Variants in RPS6KB2 observed in about 807,000 individuals in gnomAD.
RPS6KB2 encodes the protein ribosomal protein S6 kinase B2, also known as ribosomal protein S6 kinase beta-2.
A neutral mutation model predicts 58.2 loss-of-function variants in RPS6KB2; 51 were observed. The ratio of observed to expected loss-of-function variants is 0.88; its 90% CI spans 0.70 to 1.11. The LOEUF (loss-of-function observed/expected upper bound fraction) is 1.11, where lower values mean the gene tolerates loss of function less well. Ranked by LOEUF, RPS6KB2 falls within the 50% of genes least tolerant of loss-of-function variation. RPS6KB2 has a pLI of 0.00. For synonymous variants in RPS6KB2, 293 were observed against 258.6 expected, an observed-to-expected ratio of 1.13 and a Z score of -1.28; for missense variants, 671 against 655.8, an observed-to-expected ratio of 1.02 and a Z score of -0.25.
rs374535834 is a variant in RPS6KB2 at position 67,435,048 on chromosome 11, C to T, written c.1328C>T (p.Thr443Met). The change falls in exon 15 of 15, where the codon ACG (threonine) becomes ATG (methionine). Residue 443 changes from threonine to methionine, a missense_variant. Transcript: ENST00000312629. ...CCCAGCCCCAGCCTGCCGGAGCCCA[C>T]GGAGCTACCTCTACCTCCACTCCTG... ...FRPSPSLPEP[T>M]ELPLPPLLPP... 4.2e-5 allele frequency: 67 copies of T among 1,612,652 alleles called. No homozygotes were observed. The highest frequency in any genetic ancestry group is 2.1e-4 in the South Asian group (19 of 91,080).
Position 67,434,418 on chromosome 11 carries a change from A to G in RPS6KB2, c.1089A>G (p.Thr363=). 1 of 1,613,236 alleles carries G rather than the reference A, an allele frequency of 6.2e-7. No individual in the cohort carries two copies. The highest frequency in any genetic ancestry group is 8.5e-7 in the Non-Finnish European group (1 of 1,180,004). The change falls in exon 13 of 15, where the codon ACA becomes ACG. Residue 363 remains threonine (T), a synonymous_variant. Transcript: ENST00000312629. The stretch of plus-strand genomic sequence containing the variant: ...TGAGCCAGTTTGATACCCGCTTCAC[A>G]CGGCAGACGCCGGTGGACAGTCCTG... ...EDVSQFDTRF[T]RQTPVDSPDD...
Position 67,431,394 on chromosome 11 carries a change from C to T in RPS6KB2, c.336C>T (p.Asp112=). ...RKAKIVRNAK[D]TAHTRAERNI... is the part of the protein sequence containing the mutation. ...CCAAAATTGTGCGCAATGCCAAGGA[C>T]ACAGCACACACACGGGCTGAGCGGA... The change falls in exon 5 of 15, where the codon GAC becomes GAT. Residue 112 remains aspartate (D), a synonymous_variant. Coordinates refer to ENST00000312629, the MANE Select transcript of RPS6KB2 (RefSeq NM_003952.3). The T allele has an allele frequency of 6.2e-7, 1 of 1,614,070 alleles. No individual in the cohort carries two copies.
rs750220460 is a variant in RPS6KB2 at position 67,431,442 on chromosome 11, C to A, written c.384C>A (p.His128Gln). The change falls in exon 5 of 15, where the codon CAC becomes CAA. Residue 128 changes from histidine (H) to glutamine (Q), a missense_variant. Coordinates refer to ENST00000312629, the MANE Select transcript of RPS6KB2 (RefSeq NM_003952.3). ...GGAACATTCTAGAGTCAGTGAAGCACCCCTTTATTGTGGAACTGGCCTATG... is the reference window on the plus strand; with the variant it reads ...GGAACATTCTAGAGTCAGTGAAGCAACCCTTTATTGTGGAACTGGCCTATG... ...AERNILESVK[H>Q]PFIVELAYAF... 10 of 1,613,980 alleles carry A rather than the reference C, an allele frequency of 6.2e-6. No homozygotes were observed. Among genetic ancestry groups the A allele is most frequent in the South Asian group, 1.1e-5 (1 of 91,082 alleles).
chr11:67,433,481 C>A, intron 10 of RPS6KB2, 34 bp downstream of exon 10: 2 of 1,489,334 alleles, frequency 1.3e-6, no homozygotes, highest in South Asian at 1.1e-5. Flanking sequence ...CGGGGCCCTG[C>A]CAGCCATTCT....
chr11:67,435,146 G>A lies in RPS6KB2; in HGVS notation c.1426G>A (p.Gly476Ser). Residue 476 changes from glycine (G) to serine (S), a missense_variant, in exon 15 of 15, where the codon GGC becomes AGC. By Grantham distance (56) the Gly-to-Ser change is moderately conservative (BLOSUM62 0). Transcript: ENST00000312629. ...CTCAGGGACCAAGAAGTCCAAGAGG[G>A]GCCGTGGGCGTCCAGGGCGCTAGGA... ...PPSGTKKSKR[G>S]RGRPGR 6.3e-7 allele frequency: 1 copy of A among 1,591,714 alleles called. No individual in the cohort carries two copies. The highest frequency in any genetic ancestry group is 1.7e-5 in the Admixed American group (1 of 58,176).
chr11:67,428,519 C>T lies in RPS6KB2; in HGVS notation c.-27C>T. 1.9e-6 allele frequency: 3 copies of T among 1,590,920 alleles called. No individual in the cohort carries two copies. The highest frequency in any genetic ancestry group is 2.6e-6 in the Non-Finnish European group (3 of 1,167,722). ...AGTCAGTGCGCGGCCAGGTACGGGC[C>T]GACGGGCCCGCGGGGCCGGCGCCGC... On this transcript the variant is annotated 5_prime_UTR_variant, in exon 1 of 15. Transcript: ENST00000312629.
chr11:67,433,241 G>A (rs760626260), intron 9 of RPS6KB2, 25 bp downstream of exon 9: 44 of 1,607,218 alleles, frequency 2.7e-5, no homozygotes, highest in Non-Finnish European at 2.2e-5. Flanking sequence ...CGGGGAGGAG[G>A]AGGGGCAGGG....
chr11:67,433,743 C>T (rs1364213329), intron 10 of RPS6KB2, among the ~76,000 whole-genome samples: 4 of 152,210 alleles, frequency 2.6e-5, no homozygotes. Context: ...GGCCGGACAG[C>T]CACATGGGGA....
In RPS6KB2 at chr11:67,435,399, A is replaced by G. The variant is rs1032812864; in HGVS notation, c.*230A>G. On this transcript the variant is annotated 3_prime_UTR_variant, in exon 15 of 15. Transcript: ENST00000312629. The stretch of plus-strand genomic sequence containing the variant: ...CCGTGGAAGATTAAAGGGCTGAATC[A>G]TGGTGCTGACCTGGCTCTTTGTGCT... 1.6e-6 allele frequency: 1 copy of G among 612,786 alleles called. No homozygotes were observed. Among genetic ancestry groups the G allele is most frequent in the Non-Finnish European group, 2.8e-6 (1 of 355,840 alleles). 38.0% of individuals were successfully genotyped at this position (612,786 alleles called of 1,614,324 possible).
At chr11:67,428,952 C>T (rs1863932962) in intron 1 of RPS6KB2, 30 bp from the exon 2 acceptor site, 3 of 1,614,080 alleles carry the variant, frequency 1.9e-6, no homozygotes, top group South Asian at 2.2e-5. Flanking sequence ...CTGGCACCTT[C>T]CTTGGCTCTT....
rs746856506 is a variant in RPS6KB2 at position 67,434,582 on chromosome 11, G to A, written c.1156G>A (p.Gly386Ser). ...GCATGGCCCTGCCTCCGCCCCCCAG[G>A]GCTTCACATACGTGGCGCCGTCTGT... is the stretch of plus-strand genomic sequence containing the variant. ...LSESANQAFLGFTYVAPSVLD... is the reference protein window; with the variant it reads ...LSESANQAFLSFTYVAPSVLD... The change falls in exon 14 of 15, where the codon GGC becomes AGC. Residue 386 changes from glycine to serine, a missense_variant and splice_region_variant. Transcript: ENST00000312629. The A allele has an allele frequency of 1.7e-5, 28 of 1,604,214 alleles. No homozygotes were observed. Among genetic ancestry groups the A allele is most frequent in the Non-Finnish European group, 2.2e-5 (26 of 1,177,260 alleles).
At chr11:67,434,731 G>C in intron 14 of RPS6KB2, 37 bp downstream of exon 14, 1 of 1,494,680 alleles carries the variant, frequency 6.7e-7, no homozygotes, top group Non-Finnish European at 9.1e-7. Flanking sequence ...CTGGGTTAGG[G>C]ACGCTGGCAG....
At chr11:67,428,825 T>C (rs906485857) in intron 1 of RPS6KB2, 157 bp from the exon 2 acceptor site, 3 of 1,001,510 alleles carry the variant, frequency 3.0e-6, no homozygotes, top group African/African-American at 1.6e-5. Context: ...CTCCCGATTC[T>C]CCCTTTCCTG....
rs760171314 is a variant in RPS6KB2 at position 67,434,258 on chromosome 11, C to T, written c.1030C>T (p.Pro344Ser). The change falls in exon 12 of 15, where the codon CCT becomes TCT. Residue 344 changes from proline to serine, a missense_variant. Pro to Ser is a moderately conservative substitution (Grantham distance 74, BLOSUM62 -1). Coordinates refer to ENST00000312629, the MANE Select transcript of RPS6KB2 (RefSeq NM_003952.3). The part of the protein sequence containing the change: ...DDLLAWRVDP[P>S]FRPCLQSEED... ...CCTTCTGGCCTGGCGTGTGGACCCC[C>T]CTTTCAGGCCCTGTCTGGTGAGCAG... 1.2e-6 allele frequency: 2 copies of T among 1,613,638 alleles called. No homozygotes were observed. Among genetic ancestry groups the T allele is most frequent in the Non-Finnish European group, 1.7e-6 (2 of 1,180,014 alleles).
intron 5 of RPS6KB2, 163 bp from the exon 6 acceptor site, chr11:67,432,437 C>CGTCG (rs1864057747): frequency 2.1e-5 from 16 of 766,946 alleles, no homozygotes; most frequent in Non-Finnish European, 3.6e-5. Context: ...ACCGAGTAGG[C>CGTCG]GTCGGTAGAT....
rs766500376 is a variant in RPS6KB2 at position 67,434,382 on chromosome 11, A to G, written c.1053A>G (p.Ser351=). 1 of 1,613,102 alleles carries G rather than the reference A, an allele frequency of 6.2e-7. No homozygotes were observed. The highest frequency in any genetic ancestry group is 8.5e-7 in the Non-Finnish European group (1 of 1,179,866). Residue 351 remains serine (S), a synonymous_variant, in exon 13 of 15, where the codon TCA becomes TCG. Transcript: ENST00000312629. ...VDPPFRPCLQ[S]EEDVSQFDTR... is the part of the protein sequence containing the mutation. Reference sequence around the variant, plus strand: ...CCACTCTGGTCGGCCCACAGCAGTCAGAGGAGGACGTGAGCCAGTTTGATA... The same window carrying G: ...CCACTCTGGTCGGCCCACAGCAGTCGGAGGAGGACGTGAGCCAGTTTGATA...
At position 67,435,087 on chromosome 11, in the gene RPS6KB2, C is replaced by T. The variant is rs1010603846; in HGVS notation, c.1367C>T (p.Pro456Leu). Residue 456 changes from proline to leucine, a missense_variant, in exon 15 of 15, where the codon CCC becomes CTC. Transcript: ENST00000312629. ...CCTCCACTCCTGCCACCGCCGCCGC[C>T]CTCGACCACCGCCCCTCTCCCCATC... ...PLPPLLPPPPPSTTAPLPIRP... is the reference protein window; with the variant it reads ...PLPPLLPPPPLSTTAPLPIRP... 2.5e-6 allele frequency: 4 copies of T among 1,610,296 alleles called. No homozygotes were observed. Among genetic ancestry groups the T allele is most frequent in the Non-Finnish European group, 3.4e-6 (4 of 1,179,444 alleles).
rs764343123 is a variant in RPS6KB2 at position 67,429,124 on chromosome 11, G to A, written c.124G>A (p.Val42Met). The A allele has an allele frequency of 1.9e-6, 3 of 1,613,888 alleles. No homozygotes were observed. Residue 42 changes from valine to methionine, a missense_variant, in exon 3 of 15, where the codon GTG (valine) becomes ATG (methionine). Coordinates refer to ENST00000312629, the MANE Select transcript of RPS6KB2 (RefSeq NM_003952.3). ...AELRAAGLEPVGHYEEVELTE... is the reference protein window; with the variant it reads ...AELRAAGLEPMGHYEEVELTE... ...ATTAACTCCTTGTGTCCGTAGGCCT[G>A]TGGGACACTATGAAGAGGTGGAGCT...
chr11:67,434,055 C>T lies in RPS6KB2; in HGVS notation c.967C>T (p.Gln323Ter). The T allele has an allele frequency of 6.2e-7, 1 of 1,614,046 alleles. No homozygotes were observed. The highest frequency in any genetic ancestry group is 8.5e-7 in the Non-Finnish European group (1 of 1,179,948). Residue 323 changes from glutamine (Q) to a stop codon, truncating the protein, a stop_gained and splice_region_variant, in exon 11 of 15, where the codon CAG (glutamine) becomes TAG (stop). Transcript: ENST00000312629. LOFTEE classifies it high-confidence loss of function. The stretch of plus-strand genomic sequence containing the variant: ...TGGCCCAGGGGATGCTGCTGATGTG[C>T]AGGTGGGTTTGGGACCACCACCAGG... ...GGGPGDAADVQRHPFFRHMNW... is the reference protein window; with the variant it reads ...GGGPGDAADV
Sources: allele counts gnomAD v4.1 joint callset (sites outside exome capture counted in the v4.1 genomes callset), GRCh38; gene constraint gnomAD v4.1.1; transcripts MANE v1.5; gene names NCBI Gene and HGNC (gene_info 2026-07-23, HGNC 2026-07-21).